The following WBP11 variants were observed in gnomAD, a reference collection of about 807,000 sequenced individuals.
WBP11 encodes WW domain binding protein 11.
WBP11 carries 12 observed loss-of-function variants against 66.7 expected under a neutral mutation model. The observed-to-expected ratio is 0.18, with a 90% CI of 0.12 to 0.29. WBP11 has a LOEUF of 0.29. Ranked by LOEUF, WBP11 falls within the 10% of genes least tolerant of loss-of-function variation. The probability of loss-of-function intolerance (pLI) is 1.00; values close to 1 mark genes in which losing one functional copy is unlikely to be tolerated. For synonymous variants in WBP11, 255 were observed against 273.8 expected, an observed-to-expected ratio of 0.93 and a Z score of 0.68; for missense variants, 555 against 818.3, an observed-to-expected ratio of 0.68 and a Z score of 3.93.
Position 14,803,323 on chromosome 12 carries a change from A to G in WBP11, c.-46+29T>C, listed in dbSNP as rs940594676. 2.8e-5 allele frequency: 11 copies of G among 397,544 alleles called. No individual in the cohort carries two copies. The Admixed American group carries it at 4.9e-4, about 18-fold the overall frequency. The allele number at this position is 397,544 out of a possible 1,614,324, so 24.6% of individuals were successfully genotyped here. A position where few individuals can be genotyped will look rare whatever the true frequency, so the allele number is the denominator to read the frequency against. ...GTGGAAGGGACGAAAGAGGTGAGGA[A>G]GAGTAGTAAATCAATTCAATACACT... On this transcript the variant is annotated intron_variant, in intron 1 of 11. Coordinates refer to ENST00000261167, the MANE Select transcript of WBP11 (RefSeq NM_016312.3).
At chr12:14,794,141 A>AT (rs1320867199) in intron 7 of WBP11, among the ~76,000 whole-genome samples, 11 of 152,132 alleles carry the variant, frequency 7.2e-5, no homozygotes, top group East Asian at 1.9e-4. Context: ...GTAATTTAAG[A>AT]TTTTTTTAAA....
In WBP11 at chr12:14,796,480, G is replaced by T. The variant is rs1437110517; in HGVS notation, c.387+327C>A. 7.9e-5 allele frequency among the ~76,000 whole-genome samples: 12 copies of T among 152,028 alleles called. No homozygotes were observed. The highest frequency in any genetic ancestry group is 2.9e-4 in the African/African-American group (12 of 41,400). On this transcript the variant is annotated intron_variant, in intron 5 of 11. Coordinates refer to ENST00000261167, the MANE Select transcript of WBP11 (RefSeq NM_016312.3). The surrounding 1 kb of genome is among the most constrained non-coding windows in gnomAD (Gnocchi z 4.5). ...CATCCCTAATCTGAATATCTAAAATGCTCCAAAATCCTAAACTTTTTGACT... is the reference window on the plus strand; with the variant it reads ...CATCCCTAATCTGAATATCTAAAATTCTCCAAAATCCTAAACTTTTTGACT...
intron 11 of WBP11, among the ~76,000 whole-genome samples, chr12:14,787,946 G>A (rs920475732): frequency 6.6e-6 from 1 of 152,146 alleles, no homozygotes; most frequent in African/African-American, 2.4e-5. Flanking sequence ...GTCATCAAAT[G>A]CATACGGAGG....
At chr12:14,801,026 A>G in intron 2 of WBP11, 1 of 473,604 alleles carries the variant, frequency 2.1e-6, no homozygotes, top group South Asian at 4.6e-5. Flanking sequence ...GGAAAAACAT[A>G]ACATAAAACG....
At chr12:14,790,873 T>C (rs1949813991) in intron 9 of WBP11, 124 bp from the exon 10 acceptor site, 1 of 914,046 alleles carries the variant, frequency 1.1e-6, no homozygotes, top group East Asian at 2.5e-5. Context: ...AATAGTCTTC[T>C]TCAATAAAAT....
At chr12:14,793,528 C>G (rs1411854779) in intron 8 of WBP11, among the ~76,000 whole-genome samples, 2 of 152,124 alleles carry the variant, frequency 1.3e-5, no homozygotes, top group African/African-American at 4.8e-5. Context: ...TTATTACATA[C>G]AGTTTAATGC....
intron 6 of WBP11, 71 bp downstream of exon 6, chr12:14,794,900 T>C (rs1949872782): frequency 6.2e-7 from 1 of 1,609,028 alleles, no homozygotes; most frequent in Non-Finnish European, 8.5e-7. Context: ...TCCCTCTGCA[T>C]TAATTTTGGC....
intron 8 of WBP11, among the ~76,000 whole-genome samples, chr12:14,791,785 C>A (rs1263343882): frequency 6.6e-6 from 1 of 152,234 alleles, no homozygotes; most frequent in African/African-American, 2.4e-5. Flanking sequence ...GGTATATATC[C>A]ACCATGGAAT....
rs1160003193 is a variant in WBP11, at chr12:14,796,172, TTTC to T, written c.387+632_387+634del. Among the ~76,000 whole-genome samples the T allele has an allele frequency of 1.3e-5, 2 of 152,170 alleles. No individual in the cohort carries two copies. Among genetic ancestry groups the T allele is most frequent in the African/African-American group, 4.8e-5 (2 of 41,448 alleles). On this transcript the variant is annotated intron_variant, in intron 5 of 11. Transcript: ENST00000261167. The surrounding 1 kb of genome is among the most constrained non-coding windows in gnomAD (Gnocchi z 4.5). The stretch of plus-strand genomic sequence containing the variant: ...ATGTTTTTGAGATTTACTCACAATT[TTTC>T]TTTTTTTATTCCATGCTGTTTTGAG...
chr12:14,798,779 C>T (rs915323035), intron 4 of WBP11, among the ~76,000 whole-genome samples: 4 of 151,916 alleles, frequency 2.6e-5, no homozygotes, highest in East Asian at 1.9e-4. Flanking sequence ...GAACTTGTAA[C>T]GATCACTTTA....
chr12:14,794,620 T>C lies in WBP11; in HGVS notation c.638A>G (p.Gln213Arg), dbSNP rs968701225. 2.5e-6 allele frequency: 4 copies of C among 1,614,058 alleles called. No homozygotes were observed. In the South Asian group the frequency reaches 4.4e-5, roughly 18 times the overall value. Residue 213 changes from glutamine to arginine, a missense_variant, in exon 7 of 12, where the codon CAG becomes CGG. By Grantham distance (43) the Gln-to-Arg change is conservative. Coordinates refer to ENST00000261167, the MANE Select transcript of WBP11 (RefSeq NM_016312.3). ...AAAACCCACTTTACGGCCATACATC[T>C]GCACGACTTGAGGAGGAGGTGGACC... is the stretch of plus-strand genomic sequence containing the variant. The part of the protein sequence containing the change: ...PPGPPPPQVV[Q>R]MYGRKVGFAL...
At chr12:14,789,414 C>G (rs1160094653) in intron 10 of WBP11, among the ~76,000 whole-genome samples, 3 of 151,768 alleles carry the variant, frequency 2.0e-5, no homozygotes, top group Non-Finnish European at 2.9e-5. Flanking sequence ...GAAACCCCAT[C>G]TCTACTAAAA....
At chr12:14,793,691 C>T (rs1228251573) in intron 8 of WBP11, 40 bp downstream of exon 8, 1 of 1,587,980 alleles carries the variant, frequency 6.3e-7, no homozygotes. Context: ...CTTGTTTTCT[C>T]TTTATTGATC....
intron 4 of WBP11, among the ~76,000 whole-genome samples, chr12:14,798,185 AT>A (rs1401676638): frequency 6.6e-6 from 1 of 152,176 alleles, no homozygotes; most frequent in African/African-American, 2.4e-5. Flanking sequence ...CAGAGGGCGT[AT>A]TCTTACACCA....
At chr12:14,799,806 C>G (rs1227875865) in intron 3 of WBP11, 78 bp from the exon 4 acceptor site, 37 of 1,328,658 alleles carry the variant, frequency 2.8e-5, no homozygotes, top group Admixed American at 4.6e-5. Context: ...AGAATCTAAA[C>G]AGAATAACTC....
Position 14,793,965 on chromosome 12 carries a change from C to T in WBP11, c.722-43G>A, listed in dbSNP as rs370642452. The T allele has an allele frequency of 1.9e-5, 29 of 1,506,438 alleles. No homozygotes were observed. In the African/African-American group the frequency reaches 3.6e-4, roughly 19 times the overall value. The allele number at this position is 1,506,438 out of a possible 1,614,324, so 93.3% of individuals were successfully genotyped here. ...AACATGGAGAAGTAGTATGATTGGA[C>T]CCTCCACTACATGGTACCCAGAAAT... On this transcript the variant is annotated intron_variant, in intron 7 of 11. Coordinates refer to ENST00000261167, the MANE Select transcript of WBP11 (RefSeq NM_016312.3).
chr12:14,802,041 G>A (rs1949970774), intron 1 of WBP11: 1 of 152,088 alleles, frequency 6.6e-6, no homozygotes, highest in Non-Finnish European at 1.5e-5. Flanking sequence ...AACTAAAAAT[G>A]CAAATATTTG....
chr12:14,789,203 AACTC>A (rs1033400803), intron 10 of WBP11, 70 bp from the exon 11 acceptor site: 2 of 1,376,666 alleles, frequency 1.5e-6, no homozygotes, highest in African/African-American at 3.0e-5. Context: ...GCTTAAAAGT[AACTC>A]AAATATGGTT....
At chr12:14,797,791 G>T (rs1421152909) in intron 4 of WBP11, among the ~76,000 whole-genome samples, 2 of 152,198 alleles carry the variant, frequency 1.3e-5, no homozygotes, top group Non-Finnish European at 2.9e-5. Context: ...ACCTAGAGCT[G>T]CCTGTGGCCT....
Sources: gnomAD v4.1 joint callset for allele counts (sites outside exome capture counted in the v4.1 genomes callset) on GRCh38, gnomAD v4.1.1 for gene constraint, Gnocchi (gnomAD v3.1) non-coding constraint, MANE v1.5 for transcripts, NCBI Gene and HGNC (gene_info 2026-07-23, HGNC 2026-07-21) for gene names.